MYO5A: variants seen among roughly 807,000 people sequenced by gnomAD.
The protein encoded by MYO5A is myosin VA.
In MYO5A, 98 loss-of-function variants were observed where a neutral mutation model predicts 249.7. The observed-to-expected ratio is 0.39, with a 90% CI of 0.33 to 0.46. The LOEUF is 0.46. Ranked by LOEUF, MYO5A falls within the 20% of genes least tolerant of loss-of-function variation. The probability of loss-of-function intolerance (pLI) is 0.98; values close to 1 mark genes in which losing one functional copy is unlikely to be tolerated. For synonymous variants in MYO5A, 778 were observed against 810.6 expected (o/e 0.96, Z 0.68); for missense variants, 1,696 against 2,308.8 (o/e 0.73, Z 5.44).
chr15:52,469,300 AAC>A (rs1397909764), intron 1 of MYO5A, among the ~76,000 whole-genome samples: 1 of 152,236 alleles, frequency 6.6e-6, no homozygotes, highest in East Asian at 1.9e-4. Flanking sequence ...TGATAACATA[AAC>A]AGTTGATTAA....
chr15:52,365,992 C>T (rs1163282654), intron 23 of MYO5A, among the ~76,000 whole-genome samples: 2 of 152,140 alleles, frequency 1.3e-5, no homozygotes, highest in African/African-American at 4.8e-5. Flanking sequence ...TTCTTTACCT[C>T]ATCCCTTAGT....
intron 1 of MYO5A, among the ~76,000 whole-genome samples, chr15:52,516,309 A>C (rs1411469402): frequency 6.6e-6 from 1 of 152,246 alleles, no homozygotes; most frequent in Non-Finnish European, 1.5e-5. Context: ...GGCCTACAGT[A>C]AAGCCTCAGT....
intron 29 of MYO5A, 110 bp from the exon 30 acceptor site, chr15:52,346,571 C>T (rs554176227): frequency 1.3e-5 from 10 of 743,662 alleles, no homozygotes; most frequent in Non-Finnish European, 2.4e-5. Flanking sequence ...CTCCACCATA[C>T]CTGTGACCCA....
chr15:52,471,004 C>A (rs2076454028), intron 1 of MYO5A, among the ~76,000 whole-genome samples: 1 of 130,144 alleles, frequency 7.7e-6, no homozygotes, highest in South Asian at 2.6e-4. Flanking sequence ...GCCTGGGCGA[C>A]AGAGCAAGAC....
At chr15:52,331,566 A>G (rs2038887828) in intron 34 of MYO5A, 1 of 631,332 alleles carries the variant, frequency 1.6e-6, no homozygotes. Context: ...CAGATGCAAA[A>G]ACATTAGAAA....
In MYO5A at chr15:52,334,780, G is replaced by A. The variant is rs779467780; in HGVS notation, c.4408+1683C>T. On this transcript the variant is annotated intron_variant, in intron 34 of 41. Coordinates refer to ENST00000399233, the MANE Select transcript of MYO5A (RefSeq NM_001382347.1). The stretch of plus-strand genomic sequence containing the variant: ...GCTCAGGAAGCTCAGAGTCTATTAT[G>A]GAAGCCAGTAATTCAAACAGAAAAA... Among the ~76,000 whole-genome samples, 17 of 152,280 alleles carry A rather than the reference G, an allele frequency of 1.1e-4. 1 individual carries two copies. Among genetic ancestry groups the A allele is most frequent in the Admixed American group, 7.8e-4 (12 of 15,296 alleles).
intron 1 of MYO5A, among the ~76,000 whole-genome samples, chr15:52,438,764 T>A (rs2075722057): frequency 6.6e-6 from 1 of 152,238 alleles, no homozygotes; most frequent in Non-Finnish European, 1.5e-5. Context: ...GTCCCCTCCC[T>A]TTGTATGGGA....
chr15:52,470,043 C>T (rs972821019), intron 1 of MYO5A, among the ~76,000 whole-genome samples: 1 of 152,220 alleles, frequency 6.6e-6, no homozygotes. Context: ...CGATTTTCTA[C>T]AGCACCAATT....
chr15:52,363,785 C>T (rs1388301104), intron 24 of MYO5A, among the ~76,000 whole-genome samples: 1 of 152,082 alleles, frequency 6.6e-6, no homozygotes, highest in Non-Finnish European at 1.5e-5. Context: ...AGAATTATTA[C>T]AAGTATGAAA....
At chr15:52,398,839 A>T (rs1160782490) in intron 9 of MYO5A, among the ~76,000 whole-genome samples, 5 of 152,088 alleles carry the variant, frequency 3.3e-5, no homozygotes, top group Non-Finnish European at 5.9e-5. Flanking sequence ...AAATACAAAA[A>T]TTAGCTGCTT....
chr15:52,390,336 T>C (rs902395212), intron 12 of MYO5A, among the ~76,000 whole-genome samples: 2 of 152,138 alleles, frequency 1.3e-5, no homozygotes, highest in African/African-American at 4.8e-5. Flanking sequence ...GTGATTATTA[T>C]ACATCGCATG....
intron 36 of MYO5A, among the ~76,000 whole-genome samples, chr15:52,324,404 T>C (rs1414751977): frequency 6.6e-6 from 1 of 152,226 alleles, no homozygotes; most frequent in Non-Finnish European, 1.5e-5. Context: ...GGAAGGACTA[T>C]GCATTTGTAA....
intron 1 of MYO5A, among the ~76,000 whole-genome samples, chr15:52,477,985 G>A (rs1447335695): frequency 6.6e-6 from 1 of 152,232 alleles, no homozygotes; most frequent in African/African-American, 2.4e-5. Context: ...GCTGCCTTTT[G>A]TTCAGCTATG....
intron 1 of MYO5A, among the ~76,000 whole-genome samples, chr15:52,480,565 C>T (rs1039578411): frequency 1.3e-5 from 2 of 152,216 alleles, no homozygotes; most frequent in African/African-American, 4.8e-5. Flanking sequence ...CCTCTCCCTT[C>T]AGAAGCAAAC....
intron 1 of MYO5A, among the ~76,000 whole-genome samples, chr15:52,448,188 G>A (rs1191789331): frequency 3.9e-5 from 6 of 152,260 alleles, no homozygotes; most frequent in Non-Finnish European, 7.3e-5. Context: ...GCTGCCCAAG[G>A]CCTTGTGGGC....
At chr15:52,475,600 T>C (rs2076575608) in intron 1 of MYO5A, among the ~76,000 whole-genome samples, 1 of 152,216 alleles carries the variant, frequency 6.6e-6, no homozygotes, top group Non-Finnish European at 1.5e-5. Flanking sequence ...TTTGTTCTCA[T>C]TGGTTTCAAA....
chr15:52,523,591 T>C (rs2077668306), intron 1 of MYO5A, among the ~76,000 whole-genome samples: 1 of 152,070 alleles, frequency 6.6e-6, no homozygotes, highest in Non-Finnish European at 1.5e-5. Flanking sequence ...CAGAAACATG[T>C]TTGGGACATT....
At chr15:52,519,151 C>T (rs969367149) in intron 1 of MYO5A, among the ~76,000 whole-genome samples, 4 of 152,102 alleles carry the variant, frequency 2.6e-5, no homozygotes, top group African/African-American at 9.7e-5. Flanking sequence ...ACAATTCTTA[C>T]TGTTGTGCAA....
chr15:52,349,290 G>C (rs2039821828), intron 28 of MYO5A, among the ~76,000 whole-genome samples: 1 of 152,138 alleles, frequency 6.6e-6, no homozygotes, highest in Non-Finnish European at 1.5e-5. Context: ...TAGCTCACAG[G>C]GTGTTGCTCA....
Sources: allele counts gnomAD v4.1 joint callset (sites outside exome capture counted in the v4.1 genomes callset), GRCh38; gene constraint gnomAD v4.1.1; transcripts MANE v1.5; gene names NCBI Gene and HGNC (gene_info 2026-07-23, HGNC 2026-07-21).